Variants in PITPNC1 observed in about 807,000 individuals in gnomAD.
The protein encoded by PITPNC1 is cytoplasmic phosphatidylinositol transfer protein 1.
A neutral mutation model predicts 44.7 loss-of-function variants in PITPNC1; 18 were observed. That is an observed-to-expected ratio of 0.40 (90% CI 0.28 to 0.60). The LOEUF is 0.60. Among genes scored for constraint, PITPNC1 ranks in the 20% least tolerant of loss-of-function variants. The pLI, the probability that PITPNC1 is intolerant of heterozygous loss-of-function variation, is 0.39. For synonymous variants in PITPNC1, 141 were observed against 149.6 expected (o/e 0.94, Z 0.42); for missense variants, 290 against 418.4 (o/e 0.69, Z 2.68).
intron 6 of PITPNC1, among the ~76,000 whole-genome samples, chr17:67,637,131 CCAG>C (rs2042042678): frequency 6.6e-6 from 1 of 152,208 alleles, no homozygotes; most frequent in South Asian, 2.1e-4. Context: ...TGCCACAGCA[CCAG>C]TGCTTAGCAG....
At chr17:67,471,463 A>T (rs1318380638) in intron 1 of PITPNC1, 4 of 357,020 alleles carry the variant, frequency 1.1e-5, no homozygotes, top group East Asian at 3.2e-4. Flanking sequence ...TTCATTTGAG[A>T]GATTTTTTTC....
Position 67,420,497 on chromosome 17 carries a change from A to G in PITPNC1, c.48+42295A>G, listed in dbSNP as rs1280986037. 3.4e-5 allele frequency among the ~76,000 whole-genome samples: 5 copies of G among 145,568 alleles called. No homozygotes were observed. The Admixed American group carries it at 3.5e-4, about 10-fold the overall frequency. ...TGCCAGGCTGGAGCTCGGTGGCGCT[A>G]TCTCGGCTCACTGCAACCTCCACCT... On this transcript the variant is annotated intron_variant, in intron 1 of 8. Coordinates refer to ENST00000581322, the MANE Select transcript of PITPNC1 (RefSeq NM_012417.4).
intron 5 of PITPNC1, 106 bp from the exon 6 acceptor site, chr17:67,632,037 C>T: frequency 5.8e-6 from 4 of 686,186 alleles, no homozygotes; most frequent in Admixed American, 2.2e-5. Context: ...AGCCGGGGGC[C>T]CTGAGACGTG....
At chr17:67,460,863 G>T (rs1311417171) in intron 1 of PITPNC1, among the ~76,000 whole-genome samples, 1 of 148,758 alleles carries the variant, frequency 6.7e-6, no homozygotes, top group Non-Finnish European at 1.5e-5. Flanking sequence ...TCCTGCCTCA[G>T]CCTCAGTAGC....
At chr17:67,543,408 G>A (rs1414812008) in intron 2 of PITPNC1, among the ~76,000 whole-genome samples, 1 of 152,198 alleles carries the variant, frequency 6.6e-6, no homozygotes, top group African/African-American at 2.4e-5. Flanking sequence ...TTCCAAAGTG[G>A]CTGCACTGTT....
intron 6 of PITPNC1, among the ~76,000 whole-genome samples, chr17:67,662,238 G>A (rs1008979667): frequency 1.3e-5 from 2 of 152,012 alleles, no homozygotes; most frequent in Non-Finnish European, 2.9e-5. Flanking sequence ...TGTATCACCT[G>A]AGGTCGGGAG....
chr17:67,420,935 A>G lies in PITPNC1; in HGVS notation c.48+42733A>G, dbSNP rs1454776064. On this transcript the variant is annotated intron_variant, in intron 1 of 8. Coordinates refer to ENST00000581322, the MANE Select transcript of PITPNC1 (RefSeq NM_012417.4). ...GTCTAATGTGGGGGCAGAATTCACT[A>G]TGAAGCTACTTAGAATTTCACCAGC... 3.9e-5 allele frequency among the ~76,000 whole-genome samples: 6 copies of G among 152,318 alleles called. No individual in the cohort carries two copies. The South Asian group carries it at 1.0e-3, about 26-fold the overall frequency.
Position 67,597,459 on chromosome 17 carries a change from C to T in PITPNC1, c.366+19202C>T, listed in dbSNP as rs2041474637. 6.6e-6 allele frequency among the ~76,000 whole-genome samples: 1 copy of T among 152,056 alleles called. No homozygotes were observed. On this transcript the variant is annotated intron_variant, in intron 5 of 8. Coordinates refer to ENST00000581322, the MANE Select transcript of PITPNC1 (RefSeq NM_012417.4). The surrounding 1 kb of genome is among the most constrained non-coding windows in gnomAD (Gnocchi z 4.0). Reference sequence around the variant, plus strand: ...ATCACAGCTACTCAGGAGGCTGAGGCAGGAGAATCACTTGAATACGGGAGG... The same window carrying T: ...ATCACAGCTACTCAGGAGGCTGAGGTAGGAGAATCACTTGAATACGGGAGG...
chr17:67,670,178 A>C (rs937083383), intron 7 of PITPNC1, among the ~76,000 whole-genome samples: 1 of 152,226 alleles, frequency 6.6e-6, no homozygotes, highest in South Asian at 2.1e-4. Flanking sequence ...TAGATGTTTT[A>C]TGCCCCATCT....
At chr17:67,577,097 CAGAG>C (rs2041159508) in intron 4 of PITPNC1, among the ~76,000 whole-genome samples, 1 of 151,974 alleles carries the variant, frequency 6.6e-6, no homozygotes, top group Non-Finnish European at 1.5e-5. Context: ...GCCTGGGCAA[CAGAG>C]AGAGACCCTT....
intron 1 of PITPNC1, among the ~76,000 whole-genome samples, chr17:67,520,496 T>G (rs1465168540): frequency 6.6e-6 from 1 of 152,220 alleles, no homozygotes; most frequent in Non-Finnish European, 1.5e-5. Context: ...GTTTGAGAGC[T>G]CTGATGAATG....
At chr17:67,472,524 G>A (rs1453641613) in intron 1 of PITPNC1, among the ~76,000 whole-genome samples, 1 of 151,486 alleles carries the variant, frequency 6.6e-6, no homozygotes. Flanking sequence ...GTGGGCGCCT[G>A]TAGTCCCAGC....
intron 1 of PITPNC1, among the ~76,000 whole-genome samples, chr17:67,412,597 G>A (rs972093346): frequency 7.3e-5 from 11 of 151,666 alleles, no homozygotes; most frequent in Admixed American, 4.6e-4. Context: ...ACGGAGTTTC[G>A]CTCTTGTTGT....
At chr17:67,396,970 T>A (rs1042658573) in intron 1 of PITPNC1, among the ~76,000 whole-genome samples, 10 of 148,746 alleles carry the variant, frequency 6.7e-5, no homozygotes, top group African/African-American at 1.2e-4. Context: ...CTTATTTTTT[T>A]AAATTTATTT....
In PITPNC1 at chr17:67,432,041, T is replaced by C. The variant is rs188550000; in HGVS notation, c.48+53839T>C. Among the ~76,000 whole-genome samples, 19 of 152,330 alleles carry C rather than the reference T, an allele frequency of 1.2e-4. No individual in the cohort carries two copies. In the East Asian group the frequency reaches 3.3e-3, roughly 26 times the overall value. On this transcript the variant is annotated intron_variant, in intron 1 of 8. Coordinates refer to ENST00000581322, the MANE Select transcript of PITPNC1 (RefSeq NM_012417.4). ...ACACTCTTGGGAAACGAGCTGGGTG[T>C]TCCTGATAAGAAAGGTTTACCAGAA...
chr17:67,470,944 A>C (rs1460743835), intron 1 of PITPNC1, among the ~76,000 whole-genome samples: 2 of 127,654 alleles, frequency 1.6e-5, no homozygotes, highest in Non-Finnish European at 3.3e-5. Flanking sequence ...GTGTCCACTC[A>C]GGGTTAAATG....
chr17:67,583,822 AG>A (rs1387540854), intron 5 of PITPNC1, among the ~76,000 whole-genome samples: 1 of 149,812 alleles, frequency 6.7e-6, no homozygotes, highest in Non-Finnish European at 1.5e-5. Context: ...CAGCCTCCAG[AG>A]TAGCTGGGAG....
intron 4 of PITPNC1, among the ~76,000 whole-genome samples, chr17:67,576,822 G>A (rs899285943): frequency 5.3e-5 from 8 of 152,138 alleles, no homozygotes; most frequent in African/African-American, 1.9e-4. Flanking sequence ...ACCCATGGAT[G>A]CTGTCTGCTG....
chr17:67,639,317 G>C (rs1415724565), intron 6 of PITPNC1, among the ~76,000 whole-genome samples: 1 of 152,176 alleles, frequency 6.6e-6, no homozygotes, highest in African/African-American at 2.4e-5. Context: ...CTGAGTGCCA[G>C]CTCCACACTA....
Sources: gnomAD v4.1 joint callset for allele counts (sites outside exome capture counted in the v4.1 genomes callset) on GRCh38, gnomAD v4.1.1 for gene constraint, Gnocchi (gnomAD v3.1) non-coding constraint, MANE v1.5 for transcripts, NCBI Gene and HGNC (gene_info 2026-07-23, HGNC 2026-07-21) for gene names.